The following CDH6 variants were observed in gnomAD, a reference collection of about 807,000 sequenced individuals.
The protein encoded by CDH6 is cadherin-6.
CDH6 carries 31 observed loss-of-function variants against 78.0 expected under a neutral mutation model. The observed-to-expected ratio is 0.40, with a 90% confidence interval of 0.30 to 0.54. CDH6 has a LOEUF of 0.54. Among genes scored for constraint, CDH6 ranks in the 20% least tolerant of loss-of-function variants. The pLI is 0.56. For missense variants in CDH6, 724 were observed against 975.9 expected (o/e 0.74, Z 3.44); for synonymous variants, 376 against 368.8 (o/e 1.02, Z -0.23).
intron 1 of CDH6, among the ~76,000 whole-genome samples, chr5:31,219,106 G>A (rs762820774): frequency 2.6e-4 from 40 of 152,266 alleles, no homozygotes; most frequent in Non-Finnish European, 4.1e-4. Flanking sequence ...ATTGAAGGCC[G>A]AATAGAACAA....
At chr5:31,303,494 T>C (rs1737890840) in intron 6 of CDH6, among the ~76,000 whole-genome samples, 1 of 152,208 alleles carries the variant, frequency 6.6e-6, no homozygotes, top group Non-Finnish European at 1.5e-5. Flanking sequence ...ATAAATCTTT[T>C]GTGTTCTGAT....
intron 3 of CDH6, among the ~76,000 whole-genome samples, chr5:31,296,360 C>T (rs1737599434): frequency 1.3e-5 from 2 of 152,080 alleles, no homozygotes; most frequent in African/African-American, 4.8e-5. Context: ...TGTAGGCATA[C>T]ACATGAAAAT....
At position 31,326,220 on chromosome 5, in the gene CDH6, TG is replaced by T; in HGVS notation, c.*2913del. The T allele has an allele frequency of 4.5e-6, 1 of 223,926 alleles. No individual in the cohort carries two copies. Among genetic ancestry groups the T allele is most frequent in the Non-Finnish European group, 8.9e-6 (1 of 112,296 alleles). The allele number at this position is 223,926 out of a possible 1,614,324, so 13.9% of individuals were successfully genotyped here. A position where few individuals can be genotyped will look rare whatever the true frequency, so the allele number is the denominator to read the frequency against. On this transcript the variant is annotated 3_prime_UTR_variant, in exon 12 of 12. Coordinates refer to ENST00000265071, the MANE Select transcript of CDH6 (RefSeq NM_004932.4). Reference sequence around the variant, plus strand: ...TAAAATTCATTAAGCATAACCAGATTGCTTTTGTGGGTTGTTTCAAGGACAT... The same window carrying T: ...TAAAATTCATTAAGCATAACCAGATTCTTTTGTGGGTTGTTTCAAGGACAT...
intron 1 of CDH6, among the ~76,000 whole-genome samples, chr5:31,212,886 T>C (rs1307490475): frequency 2.0e-5 from 3 of 152,174 alleles, no homozygotes; most frequent in Non-Finnish European, 4.4e-5. Context: ...CTAGCCCACG[T>C]AGGTGCCCCT....
chr5:31,306,762 G>A lies in CDH6; in HGVS notation c.1253+1335G>A, dbSNP rs562000144. On this transcript the variant is annotated intron_variant, in intron 7 of 11. Coordinates refer to ENST00000265071, the MANE Select transcript of CDH6 (RefSeq NM_004932.4). ...CCATGAAGCTTACATTCTAATTGGG[G>A]CAAGCAGAAATAGACAAACAGTAAA... Among the ~76,000 whole-genome samples the A allele has an allele frequency of 4.6e-5, 7 of 152,220 alleles. No homozygotes were observed. The South Asian group carries it at 1.5e-3, about 32-fold the overall frequency.
intron 2 of CDH6, among the ~76,000 whole-genome samples, chr5:31,290,470 A>G (rs1027356816): frequency 1.3e-5 from 2 of 152,190 alleles, no homozygotes; most frequent in African/African-American, 4.8e-5. Flanking sequence ...GCCACATTAA[A>G]CTGAAATTAG....
intron 1 of CDH6, among the ~76,000 whole-genome samples, chr5:31,257,470 C>T (rs1049715272): frequency 7.2e-5 from 11 of 152,312 alleles, no homozygotes; most frequent in Non-Finnish European, 1.6e-4. Flanking sequence ...GCCACATGTT[C>T]GTTTTTATAG....
At chr5:31,312,237 C>A (rs1349603096) in intron 7 of CDH6, among the ~76,000 whole-genome samples, 29 of 152,224 alleles carry the variant, frequency 1.9e-4, no homozygotes. Context: ...CTGAACTTTT[C>A]TCAGGCACCT....
chr5:31,310,168 A>G (rs1286748804), intron 7 of CDH6, among the ~76,000 whole-genome samples: 1 of 152,178 alleles, frequency 6.6e-6, no homozygotes, highest in Non-Finnish European at 1.5e-5. Flanking sequence ...ACTTCCATAC[A>G]ATGGGGTTAC....
intron 2 of CDH6, among the ~76,000 whole-genome samples, chr5:31,268,088 C>G (rs758920427): frequency 5.1e-4 from 77 of 152,240 alleles, no homozygotes; most frequent in Admixed American, 3.5e-3. Context: ...ATTCTAAAAG[C>G]AAATGTTCTG....
chr5:31,270,979 T>G (rs768538718), intron 2 of CDH6, among the ~76,000 whole-genome samples: 9 of 152,190 alleles, frequency 5.9e-5, no homozygotes, highest in Non-Finnish European at 5.9e-5. Flanking sequence ...GTACCAAGGC[T>G]AATAGAACCT....
In CDH6 at chr5:31,327,447, G is replaced by C. The variant is rs1579922093; in HGVS notation, c.*4139G>C. Reference sequence around the variant, plus strand: ...GTATCCTCTAACAAGGATCATTATAGTGTAATCTTAATTTTTATGTTTTAT... The same window carrying C: ...GTATCCTCTAACAAGGATCATTATACTGTAATCTTAATTTTTATGTTTTAT... On this transcript the variant is annotated 3_prime_UTR_variant, in exon 12 of 12. Coordinates refer to ENST00000265071, the MANE Select transcript of CDH6 (RefSeq NM_004932.4). 1.0e-5 allele frequency: 2 copies of C among 191,560 alleles called. No homozygotes were observed. Among genetic ancestry groups the C allele is most frequent in the South Asian group, 3.9e-4 (2 of 5,158 alleles). 11.9% of individuals were successfully genotyped at this position (191,560 alleles called of 1,614,324 possible).
chr5:31,293,038 T>A (rs1236151349), intron 2 of CDH6, among the ~76,000 whole-genome samples: 1 of 151,874 alleles, frequency 6.6e-6, no homozygotes, highest in East Asian at 1.9e-4. Flanking sequence ...GGACTACTTA[T>A]CCAAGTTAGG....
rs542630300 is a variant in CDH6 at position 31,280,862 on chromosome 5, G to A, written c.229-13100G>A. 2.6e-5 allele frequency among the ~76,000 whole-genome samples: 4 copies of A among 151,616 alleles called. 1 individual carries two copies. The South Asian group carries it at 8.4e-4, about 32-fold the overall frequency. On this transcript the variant is annotated intron_variant, in intron 2 of 11. Coordinates refer to ENST00000265071, the MANE Select transcript of CDH6 (RefSeq NM_004932.4). The stretch of plus-strand genomic sequence containing the variant: ...AGGAGAAAGGGAGCTTTCAAAATGA[G>A]GAGGATGAGGAGAGCTTTTGAAATC...
intron 11 of CDH6, among the ~76,000 whole-genome samples, chr5:31,320,106 G>A (rs1387822215): frequency 6.6e-6 from 1 of 152,288 alleles, no homozygotes; most frequent in South Asian, 2.1e-4. Flanking sequence ...AGTTCCTGCT[G>A]AGGGCACCTC....
chr5:31,318,131 C>T (rs1474559396), intron 11 of CDH6: 4 of 627,840 alleles, frequency 6.4e-6, no homozygotes, highest in Non-Finnish European at 1.1e-5. Context: ...GAAACTTGCT[C>T]GTGTCTTTGC....
chr5:31,200,614 C>A (rs570688789), intron 1 of CDH6, among the ~76,000 whole-genome samples: 1 of 150,330 alleles, frequency 6.7e-6, no homozygotes, highest in South Asian at 2.1e-4. Flanking sequence ...ACACCACTAC[C>A]ATGCCACCAG....
At chr5:31,230,545 C>T (rs78082930) in intron 1 of CDH6, among the ~76,000 whole-genome samples, 2,364 of 152,200 alleles carry the variant, frequency 0.016, 67 homozygotes, top group African/African-American at 0.054. Flanking sequence ...TTTAAGAAAG[C>T]AGCGGAAGAT....
chr5:31,302,708 GAA>G (rs61544846), intron 6 of CDH6, among the ~76,000 whole-genome samples: 43,672 of 96,582 alleles, frequency 0.45, 11,255 homozygotes, highest in Non-Finnish European at 0.53. Context: ...GTGAGACTCT[GAA>G]AAAAAAAAAA....
Sources: gnomAD v4.1 joint callset for allele counts (sites outside exome capture counted in the v4.1 genomes callset) on GRCh38, gnomAD v4.1.1 for gene constraint, MANE v1.5 for transcripts, NCBI Gene and HGNC (gene_info 2026-07-23, HGNC 2026-07-21) for gene names.